RDH10: variants seen among roughly 807,000 people sequenced by gnomAD.
RDH10 encodes the protein retinol dehydrogenase 10.
RDH10 carries 12 observed loss-of-function variants against 30.2 expected under a neutral mutation model. The ratio of observed to expected loss-of-function variants is 0.40; its 90% confidence interval spans 0.25 to 0.64. The LOEUF is 0.64. Ranked by LOEUF, RDH10 falls within the 30% of genes least tolerant of loss-of-function variation. The pLI is 0.43. For missense variants in RDH10, 268 were observed against 445.2 expected, an observed-to-expected ratio of 0.60 and a Z score of 3.58; for synonymous variants, 189 against 172.2, an observed-to-expected ratio of 1.10 and a Z score of -0.76.
intron 2 of RDH10, among the ~76,000 whole-genome samples, chr8:73,301,809 T>C (rs898123411): frequency 6.6e-6 from 1 of 152,216 alleles, no homozygotes; most frequent in Non-Finnish European, 1.5e-5. Flanking sequence ...AGACCATTAT[T>C]GCAAACCAGG....
chr8:73,295,235 C>A lies in RDH10; in HGVS notation c.-55C>A. The A allele has an allele frequency of 6.9e-7, 1 of 1,445,054 alleles. No individual in the cohort carries two copies. The highest frequency in any genetic ancestry group is 9.2e-7 in the Non-Finnish European group (1 of 1,092,302). 89.5% of individuals were successfully genotyped at this position (1,445,054 alleles called of 1,614,324 possible). Reference sequence around the variant, plus strand: ...CGGAGCCGGGAGCCCGATTGCCGGGCTCGGGGTGGGCGCGGACGCAGGCAC... The same window carrying A: ...CGGAGCCGGGAGCCCGATTGCCGGGATCGGGGTGGGCGCGGACGCAGGCAC... On this transcript the variant is annotated 5_prime_UTR_variant, in exon 1 of 6. Transcript: ENST00000240285.
At chr8:73,297,577 ATGCT>A in intron 2 of RDH10, 148 bp downstream of exon 2, 1 of 621,276 alleles carries the variant, frequency 1.6e-6, no homozygotes. Context: ...ACTGCAGTGT[ATGCT>A]GGTTACTGTT....
chr8:73,321,791 G>C, intron 4 of RDH10: 1 of 456,254 alleles, frequency 2.2e-6, no homozygotes, highest in South Asian at 1.5e-5. Flanking sequence ...AACCAAACCA[G>C]TTCCCTGTTG....
In RDH10 at chr8:73,320,911, T is replaced by A. The variant is rs566174410; in HGVS notation, c.625-21T>A. On this transcript the variant is annotated intron_variant, in intron 3 of 5. Transcript: ENST00000240285. Reference sequence around the variant, plus strand: ...AGGGGCATATGCTTAGTATTTCTGCTTTCTCCCCTCTTTAACTCAGGATTA... The same window carrying A: ...AGGGGCATATGCTTAGTATTTCTGCATTCTCCCCTCTTTAACTCAGGATTA... The A allele has an allele frequency of 5.6e-6, 9 of 1,613,698 alleles. No homozygotes were observed. The South Asian group carries it at 9.9e-5, about 18-fold the overall frequency.
In RDH10 at chr8:73,301,252, G is replaced by A. The variant is rs1174459524; in HGVS notation, c.525+3823G>A. 5.2e-4 allele frequency among the ~76,000 whole-genome samples: 78 copies of A among 149,258 alleles called. 1 individual carries two copies. Among genetic ancestry groups the A allele is most frequent in the African/African-American group, 1.7e-3 (68 of 40,992 alleles). On this transcript the variant is annotated intron_variant, in intron 2 of 5. Transcript: ENST00000240285. ...TTTTTAGTAGAGACGGGGTTTCACC[G>A]TGTTAGCCAGGATGGTCTCGATCTC...
chr8:73,295,737 T>C (rs768977935), intron 1 of RDH10, 159 bp downstream of exon 1: 12 of 943,404 alleles, frequency 1.3e-5, no homozygotes, highest in Non-Finnish European at 1.6e-5. Context: ...CGCTTCCTGA[T>C]AAAGGAACGC....
rs1586184869 is a variant in RDH10, at chr8:73,295,569, G to T, written c.280G>T (p.Ala94Ser). 6.6e-7 allele frequency: 1 copy of T among 1,523,556 alleles called. No homozygotes were observed. Among genetic ancestry groups the T allele is most frequent in the Non-Finnish European group, 8.8e-7 (1 of 1,136,754 alleles). 94.4% of individuals were successfully genotyped at this position (1,523,556 alleles called of 1,614,324 possible). A position where few individuals can be genotyped will look rare whatever the true frequency, so the allele number is the denominator to read the frequency against. Residue 94 changes from alanine (A) to serine (S), a missense_variant, in exon 1 of 6, where the codon GCG becomes TCG. Transcript: ENST00000240285. ...CGACCTGGAGGCGGCCGACGCCGCT[G>T]CGCTGCAAGGTAACCTGGACCCGCG... ...YRDLEAADAA[A>S]LQAGNGEEEI...
chr8:73,318,674 A>C (rs16938613), intron 2 of RDH10, among the ~76,000 whole-genome samples: 17,937 of 152,310 alleles, frequency 0.12, 1,108 homozygotes, highest in South Asian at 0.16. Flanking sequence ...GGCACACATT[A>C]ATACAAGGCA....
In RDH10 at chr8:73,295,363, G is replaced by A; in HGVS notation, c.74G>A (p.Trp25Ter). 6.4e-7 allele frequency: 1 copy of A among 1,559,514 alleles called. No individual in the cohort carries two copies. ...GCGTTCGTGCTGGCCGCGGCGCGCTGGCTGGTGCGGCCCAAGGAGAAGAGC... is the reference window on the plus strand; with the variant it reads ...GCGTTCGTGCTGGCCGCGGCGCGCTAGCTGGTGCGGCCCAAGGAGAAGAGC... ...LWAFVLAAARWLVRPKEKSVA... is the reference protein window; with the variant it reads ...LWAFVLAAAR The change falls in exon 1 of 6, where the codon TGG (tryptophan) becomes TAG (stop). Residue 25 changes from tryptophan to a stop codon, truncating the protein, a stop_gained. Transcript: ENST00000240285. LOFTEE classifies it high-confidence loss of function.
Position 73,319,874 on chromosome 8 carries a change from C to T in RDH10, c.624+680C>T, listed in dbSNP as rs374943904. 2.1e-4 allele frequency among the ~76,000 whole-genome samples: 32 copies of T among 152,272 alleles called. No homozygotes were observed. In the East Asian group the frequency reaches 5.2e-3, roughly 25 times the overall value. On this transcript the variant is annotated intron_variant, in intron 3 of 5. Transcript: ENST00000240285. ...GGATTTCATCAAACCCTGTTCTTCA[C>T]GATATTCAGATTATAAAGTATGAGT...
intron 2 of RDH10, among the ~76,000 whole-genome samples, chr8:73,309,023 T>C (rs1814512115): frequency 6.6e-6 from 1 of 152,202 alleles, no homozygotes; most frequent in Non-Finnish European, 1.5e-5. Context: ...CGCCAAAGTT[T>C]GAAGAGGAAC....
At chr8:73,317,269 C>T (rs1814687237) in intron 2 of RDH10, among the ~76,000 whole-genome samples, 1 of 152,134 alleles carries the variant, frequency 6.6e-6, no homozygotes, top group African/African-American at 2.4e-5. Flanking sequence ...CCCTAACTAC[C>T]TTCAGTAAAG....
At position 73,304,788 on chromosome 8, in the gene RDH10, C is replaced by T. The variant is rs1586189369; in HGVS notation, c.525+7359C>T. Reference sequence around the variant, plus strand: ...GTTCAGAAAAAAATCCGTCACTATTCCTGAGAAAGAAAAACAAGTTCAAAA... The same window carrying T: ...GTTCAGAAAAAAATCCGTCACTATTTCTGAGAAAGAAAAACAAGTTCAAAA... On this transcript the variant is annotated intron_variant, in intron 2 of 5. Transcript: ENST00000240285. 4.6e-5 allele frequency among the ~76,000 whole-genome samples: 7 copies of T among 152,244 alleles called. No individual in the cohort carries two copies. In the South Asian group the frequency reaches 1.5e-3, roughly 32 times the overall value.
At chr8:73,304,435 T>C (rs1369922387) in intron 2 of RDH10, among the ~76,000 whole-genome samples, 2 of 152,222 alleles carry the variant, frequency 1.3e-5, no homozygotes, top group East Asian at 1.9e-4. Context: ...TCTTTTCCTG[T>C]ATTCGCTTTT....
At chr8:73,319,981 C>A (rs1394078735) in intron 3 of RDH10, among the ~76,000 whole-genome samples, 1 of 152,192 alleles carries the variant, frequency 6.6e-6, no homozygotes, top group Non-Finnish European at 1.5e-5. Flanking sequence ...CAAAAGGACA[C>A]ATTATTTAAA....
intron 1 of RDH10, among the ~76,000 whole-genome samples, chr8:73,296,809 T>C (rs1187491076): frequency 6.6e-6 from 1 of 152,194 alleles, no homozygotes; most frequent in African/African-American, 2.4e-5. Context: ...GCTGTTTCTC[T>C]TGGGCCACTG....
At chr8:73,311,023 G>C (rs544763075) in intron 2 of RDH10, 1 of 152,258 alleles carries the variant, frequency 6.6e-6, no homozygotes, top group South Asian at 2.1e-4. Flanking sequence ...ACTCAATGCT[G>C]GCCACTGCAC....
chr8:73,322,822 G>T lies in RDH10; in HGVS notation c.902+12G>T. 6.2e-7 allele frequency: 1 copy of T among 1,614,098 alleles called. No individual in the cohort carries two copies. On this transcript the variant is annotated intron_variant, in intron 5 of 5. Transcript: ENST00000240285. ...ACCTTCATGAAGAGGTAACTGGGAG[G>T]GGTTCCCTCACTGACTGGGTCTCTC...
intron 2 of RDH10, among the ~76,000 whole-genome samples, chr8:73,318,561 G>A (rs1286446617): frequency 6.6e-6 from 1 of 152,222 alleles, no homozygotes; most frequent in African/African-American, 2.4e-5. Flanking sequence ...AAAATACTTT[G>A]TCTCCTGCTA....
Sources: allele counts gnomAD v4.1 joint callset (sites outside exome capture counted in the v4.1 genomes callset), GRCh38; gene constraint gnomAD v4.1.1; transcripts MANE v1.5; gene names NCBI Gene and HGNC (gene_info 2026-07-23, HGNC 2026-07-21).